The following GPBP1 variants were observed in gnomAD, a reference collection of about 807,000 sequenced individuals.
The protein encoded by GPBP1 is vasculin.
Under a neutral mutation model 56.5 loss-of-function variants are expected in GPBP1, and 13 were observed. That is an observed-to-expected ratio of 0.23 (90% confidence interval 0.15 to 0.37). The LOEUF (loss-of-function observed/expected upper bound fraction) is 0.37. Among genes scored for constraint, GPBP1 ranks in the 10% least tolerant of loss-of-function variants. The pLI, the probability that GPBP1 is intolerant of heterozygous loss-of-function variation, is 1.00. For synonymous variants in GPBP1, 204 were observed against 188.9 expected (o/e 1.08, Z -0.66); for missense variants, 477 against 572.3 (o/e 0.83, Z 1.70).
chr5:57,198,127 A>G (rs538911162), intron 2 of GPBP1, among the ~76,000 whole-genome samples: 5 of 152,080 alleles, frequency 3.3e-5, no homozygotes, highest in Admixed American at 6.5e-5. Context: ...CTTCTTTTCA[A>G]TCTCATTTCC....
rs1379542439 is a variant in GPBP1 at position 57,247,158 on chromosome 5, T to G, written c.747T>G (p.Phe249Leu). 7.4e-6 allele frequency: 12 copies of G among 1,613,698 alleles called. No homozygotes were observed. The Admixed American group carries it at 2.0e-4, about 27-fold the overall frequency. ...PHESTFGVGN[F>L]NAFKSTAKNF... ...AGTCCACATTTGGCGTTGGCAACTT[T>G]AATGCTTTTAAATCAACTGCCAAGA... The change falls in exon 8 of 12, where the codon TTT becomes TTG. Residue 249 changes from phenylalanine (F) to leucine (L), a missense_variant. Around this residue, in one of 2 missense-constraint regions of GPBP1, gnomAD observed 414 missense variants for 458.2 expected, o/e 0.90. Transcript: ENST00000506184.
chr5:57,178,546 T>G (rs1753899483), intron 2 of GPBP1, among the ~76,000 whole-genome samples: 2 of 152,186 alleles, frequency 1.3e-5, no homozygotes, highest in African/African-American at 4.8e-5. Context: ...GCGTCCAGCC[T>G]TGTTTTCTTC....
At chr5:57,190,081 T>A (rs1354835610) in intron 2 of GPBP1, among the ~76,000 whole-genome samples, 1 of 151,118 alleles carries the variant, frequency 6.6e-6, no homozygotes, top group Non-Finnish European at 1.5e-5. Context: ...GGACCTTGTC[T>A]CATTTGTTTA....
intron 2 of GPBP1, among the ~76,000 whole-genome samples, chr5:57,188,012 G>C (rs1754366060): frequency 6.6e-6 from 1 of 152,076 alleles, no homozygotes; most frequent in Admixed American, 6.6e-5. Context: ...GGAGGCTGAG[G>C]TGGGTGGATC....
rs1740755974 is a variant in GPBP1 at position 57,240,167 on chromosome 5, C to T, written c.478+4135C>T. ...TTGCGAGGCTGAGGTGGGAGGACTG[C>T]TTGAGCCCATGATTTCCAGGTTGCA... On this transcript the variant is annotated intron_variant, in intron 6 of 11. Coordinates refer to ENST00000506184, the MANE Select transcript of GPBP1 (RefSeq NM_022913.4). Among the ~76,000 whole-genome samples, 4 of 152,208 alleles carry T rather than the reference C, an allele frequency of 2.6e-5. No homozygotes were observed. The South Asian group carries it at 6.2e-4, about 24-fold the overall frequency.
At chr5:57,192,710 G>A (rs1420520229) in intron 2 of GPBP1, among the ~76,000 whole-genome samples, 4 of 134,242 alleles carry the variant, frequency 3.0e-5, no homozygotes, top group Non-Finnish European at 4.6e-5. Flanking sequence ...CTGCGATCAC[G>A]CCATTGCACT....
chr5:57,229,642 C>T (rs1023705379), intron 3 of GPBP1, among the ~76,000 whole-genome samples: 3 of 152,060 alleles, frequency 2.0e-5, no homozygotes, highest in South Asian at 2.1e-4. Context: ...TCAGGCAATT[C>T]TCCTGTCTCA....
chr5:57,213,774 T>C (rs1008717768), intron 2 of GPBP1, among the ~76,000 whole-genome samples: 9 of 152,244 alleles, frequency 5.9e-5, no homozygotes, highest in Admixed American at 2.0e-4. Context: ...AAAGCTATAC[T>C]GAGGTATACT....
At chr5:57,199,516 C>T (rs537146690) in intron 2 of GPBP1, among the ~76,000 whole-genome samples, 17 of 151,972 alleles carry the variant, frequency 1.1e-4, no homozygotes, top group East Asian at 7.7e-4. Context: ...CACATTGCTA[C>T]CAGATTTCTT....
rs757132036 is a variant in GPBP1 at position 57,235,952 on chromosome 5, C to G, written c.412-14C>G. On this transcript the variant is annotated splice_polypyrimidine_tract_variant and intron_variant, in intron 5 of 11. Transcript: ENST00000506184. ...TTTTTAAAATGTGAAATGTTTATTC[C>G]AACTTTCTTCCAGCCGTCTTTAAAT... is the stretch of plus-strand genomic sequence containing the variant. 1.3e-5 allele frequency: 21 copies of G among 1,585,488 alleles called. No homozygotes were observed. Among genetic ancestry groups the G allele is most frequent in the Non-Finnish European group, 1.8e-5 (21 of 1,155,420 alleles).
intron 2 of GPBP1, among the ~76,000 whole-genome samples, chr5:57,187,561 A>G (rs983882977): frequency 3.3e-5 from 5 of 152,160 alleles, no homozygotes; most frequent in African/African-American, 1.2e-4. Flanking sequence ...ATGAATACAG[A>G]ATAAAAAGAG....
chr5:57,227,028 C>T (rs1011625475), intron 3 of GPBP1, among the ~76,000 whole-genome samples: 7 of 151,716 alleles, frequency 4.6e-5, no homozygotes, highest in African/African-American at 7.3e-5. Context: ...CGTGAGCCAC[C>T]GTGCCCGGCC....
intron 2 of GPBP1, among the ~76,000 whole-genome samples, chr5:57,201,070 C>G (rs1237806470): frequency 6.6e-6 from 1 of 152,148 alleles, no homozygotes; most frequent in Non-Finnish European, 1.5e-5. Flanking sequence ...GTAATCTGCC[C>G]TCCTCGGCCT....
chr5:57,228,142 C>T (rs776683036), intron 3 of GPBP1, among the ~76,000 whole-genome samples: 26 of 152,148 alleles, frequency 1.7e-4, no homozygotes, highest in Non-Finnish European at 7.3e-5. Context: ...TTCATTAAAA[C>T]CACCTATATA....
intron 6 of GPBP1, among the ~76,000 whole-genome samples, chr5:57,241,800 C>T (rs1487458291): frequency 6.6e-6 from 1 of 152,138 alleles, no homozygotes; most frequent in Non-Finnish European, 1.5e-5. Flanking sequence ...TAAGTTTTCT[C>T]TTTTAAAATG....
chr5:57,190,274 TTGTCA>T (rs1326905675), intron 2 of GPBP1, among the ~76,000 whole-genome samples: 1 of 152,024 alleles, frequency 6.6e-6, no homozygotes, highest in Admixed American at 6.6e-5. Flanking sequence ...GGTTGATTTG[TTGTCA>T]TGTCATTTAG....
chr5:57,250,861 A>T, intron 9 of GPBP1, 93 bp from the exon 10 acceptor site: 1 of 868,982 alleles, frequency 1.2e-6, no homozygotes, highest in Non-Finnish European at 1.7e-6. Context: ...ATGTATTTTC[A>T]ATGGAAGCTT....
At chr5:57,234,746 C>T (rs1756595645) in intron 5 of GPBP1, among the ~76,000 whole-genome samples, 2 of 152,002 alleles carry the variant, frequency 1.3e-5, no homozygotes, top group South Asian at 2.1e-4. Flanking sequence ...ATACAGTTGC[C>T]CAGATACAAA....
chr5:57,182,001 A>G (rs1409653144), intron 2 of GPBP1, among the ~76,000 whole-genome samples: 1 of 151,912 alleles, frequency 6.6e-6, no homozygotes, highest in Non-Finnish European at 1.5e-5. Context: ...AAGATATGTC[A>G]TTTAGTTTCT....
Sources: gnomAD v4.1 joint callset for allele counts (sites outside exome capture counted in the v4.1 genomes callset) on GRCh38, gnomAD v4.1.1 for gene constraint, gnomAD v4.1.1 regional missense constraint, MANE v1.5 for transcripts, NCBI Gene and HGNC (gene_info 2026-07-23, HGNC 2026-07-21) for gene names.